The following CCDC91 variants were observed in gnomAD, a reference collection of about 807,000 sequenced individuals.
CCDC91 encodes the protein coiled-coil domain-containing protein 91.
In CCDC91, 48 loss-of-function variants were observed where a neutral mutation model predicts 63.2. The observed-to-expected ratio is 0.76, with a 90% CI of 0.60 to 0.97. The LOEUF is 0.97. CCDC91 is among the 50% of genes least tolerant of loss of function. The pLI, the probability that CCDC91 is intolerant of heterozygous loss-of-function variation, is 0.00. For synonymous variants in CCDC91, 167 were observed against 165.8 expected (o/e 1.01, Z -0.06); for missense variants, 500 against 494.6 (o/e 1.01, Z -0.10).
chr12:28,548,273 T>C (rs1943120443), intron 12 of CCDC91, among the ~76,000 whole-genome samples: 2 of 152,090 alleles, frequency 1.3e-5, no homozygotes, highest in Admixed American at 6.6e-5. Context: ...ATTTTGTGTG[T>C]TGTTTTATTT....
At chr12:28,488,581 G>A (rs987589086) in intron 12 of CCDC91, among the ~76,000 whole-genome samples, 2 of 151,640 alleles carry the variant, frequency 1.3e-5, no homozygotes, top group Non-Finnish European at 2.9e-5. Context: ...GAAAAAAAAG[G>A]ATCCTTACAT....
chr12:28,415,342 G>C, intron 8 of CCDC91, among the ~76,000 whole-genome samples: 1 of 151,952 alleles, frequency 6.6e-6, no homozygotes, highest in East Asian at 1.9e-4. Context: ...TCCTGCCTCA[G>C]CCTCCCGAGT....
At chr12:28,479,846 T>C (rs552959856) in intron 11 of CCDC91, among the ~76,000 whole-genome samples, 2 of 152,130 alleles carry the variant, frequency 1.3e-5, no homozygotes, top group East Asian at 1.9e-4. Flanking sequence ...GTTGTGCTAA[T>C]GAGCTAGCCT....
chr12:28,411,960 AAC>A (rs1254117886), intron 8 of CCDC91, among the ~76,000 whole-genome samples: 3 of 152,132 alleles, frequency 2.0e-5, no homozygotes, highest in Non-Finnish European at 4.4e-5. Context: ...CCTACCCCCC[AAC>A]ACCACCACAT....
chr12:28,254,109 A>G (rs1946291344), intron 1 of CCDC91, among the ~76,000 whole-genome samples: 1 of 152,242 alleles, frequency 6.6e-6, no homozygotes, highest in South Asian at 2.1e-4. Context: ...TTTTTAGAAT[A>G]TCAGCAGTGT....
Position 28,468,259 on chromosome 12 carries a change from A to G in CCDC91, c.1101+15605A>G, listed in dbSNP as rs1459872334. On this transcript the variant is annotated intron_variant, in intron 11 of 12. Transcript: ENST00000536442. ...TGAAAAAGGAGACACTACATCTGGTATCTCATCTAGTATCTATACTACATC... is the reference window on the plus strand; with the variant it reads ...TGAAAAAGGAGACACTACATCTGGTGTCTCATCTAGTATCTATACTACATC... 5.3e-5 allele frequency among the ~76,000 whole-genome samples: 8 copies of G among 151,804 alleles called. No homozygotes were observed. The East Asian group carries it at 1.5e-3, about 29-fold the overall frequency.
At chr12:28,342,646 A>G (rs1290796558) in intron 6 of CCDC91, among the ~76,000 whole-genome samples, 2 of 152,164 alleles carry the variant, frequency 1.3e-5, no homozygotes, top group Non-Finnish European at 2.9e-5. Flanking sequence ...TTGAAGGTTG[A>G]AGATGGGGAG....
intron 6 of CCDC91, among the ~76,000 whole-genome samples, chr12:28,324,784 A>G (rs1308875385): frequency 6.6e-6 from 1 of 151,816 alleles, no homozygotes; most frequent in Admixed American, 6.6e-5. Context: ...ACTGTAATAA[A>G]TGTTTGCTCA....
chr12:28,495,958 G>A (rs1448500762), intron 12 of CCDC91, among the ~76,000 whole-genome samples: 4 of 151,500 alleles, frequency 2.6e-5, no homozygotes, highest in Non-Finnish European at 3.0e-5. Context: ...AATCTTTACA[G>A]CCATCGACCC....
At chr12:28,331,497 G>T (rs1244439012) in intron 6 of CCDC91, among the ~76,000 whole-genome samples, 1 of 152,114 alleles carries the variant, frequency 6.6e-6, no homozygotes, top group Non-Finnish European at 1.5e-5. Flanking sequence ...AAACATTATG[G>T]AAATGCCACA....
intron 12 of CCDC91, among the ~76,000 whole-genome samples, chr12:28,491,833 C>G (rs1049956846): frequency 6.7e-6 from 1 of 150,358 alleles, no homozygotes; most frequent in African/African-American, 2.4e-5. Flanking sequence ...TTGATATGCC[C>G]TTCAGCCATC....
intron 11 of CCDC91, among the ~76,000 whole-genome samples, chr12:28,466,812 A>G (rs1950571767): frequency 6.6e-6 from 1 of 152,136 alleles, no homozygotes; most frequent in African/African-American, 2.4e-5. Context: ...ACAGAAAAAT[A>G]CAGAGTATTG....
At chr12:28,494,164 C>T (rs1286024957) in intron 12 of CCDC91, among the ~76,000 whole-genome samples, 1 of 151,644 alleles carries the variant, frequency 6.6e-6, no homozygotes, top group East Asian at 1.9e-4. Flanking sequence ...TTTTCACAGG[C>T]TCCACATAGC....
rs1316398370 is a variant in CCDC91 at position 28,305,746 on chromosome 12, A to G, written c.207A>G (p.Ser69=). Residue 69 remains serine (S), a synonymous_variant, in exon 4 of 13, where the codon TCA becomes TCG. Coordinates refer to ENST00000536442, the MANE Select transcript of CCDC91 (RefSeq NM_018318.5). ...GCCTCTCTTCTGATGCCATTATTTC[A>G]TCACCAGAGAATACACATGCAGCAA... ...IGCLSSDAII[S]SPENTHAANS... 1.2e-6 allele frequency: 2 copies of G among 1,613,066 alleles called. No individual in the cohort carries two copies. Among genetic ancestry groups the G allele is most frequent in the Non-Finnish European group, 1.7e-6 (2 of 1,179,436 alleles).
chr12:28,211,711 A>G (rs1472846814), intron 1 of CCDC91, among the ~76,000 whole-genome samples: 3 of 150,794 alleles, frequency 2.0e-5, no homozygotes, highest in Non-Finnish European at 4.4e-5. Flanking sequence ...CCCATTTTTT[A>G]CCTAAAATGT....
intron 1 of CCDC91, among the ~76,000 whole-genome samples, chr12:28,234,525 C>A (rs1460927625): frequency 6.6e-6 from 1 of 152,108 alleles, no homozygotes; most frequent in Non-Finnish European, 1.5e-5. Context: ...CATTAATAGA[C>A]ATAACCCAGA....
chr12:28,204,268 G>A (rs1231637469), intron 1 of CCDC91, among the ~76,000 whole-genome samples: 2 of 152,152 alleles, frequency 1.3e-5, no homozygotes, highest in African/African-American at 2.4e-5. Flanking sequence ...ATATATGTGA[G>A]TTTTTGTGTT....
chr12:28,244,569 CGTT>C lies in CCDC91; in HGVS notation c.-14-12631_-14-12629del, dbSNP rs1945587601. 1.7e-5 allele frequency among the ~76,000 whole-genome samples: 2 copies of C among 114,704 alleles called. 1 individual carries two copies. Among genetic ancestry groups the C allele is most frequent in the South Asian group, 6.0e-4 (2 of 3,320 alleles). The allele number at this position is 114,704 out of a possible 152,430, so 75.3% of individuals were successfully genotyped here. On this transcript the variant is annotated intron_variant, in intron 1 of 12. Transcript: ENST00000536442. Reference sequence around the variant, plus strand: ...AGTGCCTCAGTTGGGATGATGTGAACGTTGAACACTGGAGGTGACTTGCTGGCT... The same window carrying C: ...AGTGCCTCAGTTGGGATGATGTGAACGAACACTGGAGGTGACTTGCTGGCT...
At chr12:28,369,553 G>A (rs1400224295) in intron 7 of CCDC91, among the ~76,000 whole-genome samples, 2 of 152,140 alleles carry the variant, frequency 1.3e-5, no homozygotes, top group African/African-American at 4.8e-5. Context: ...CCATTCTGGG[G>A]TCTCAAAGAT....
Sources: allele counts gnomAD v4.1 joint callset (sites outside exome capture counted in the v4.1 genomes callset), GRCh38; gene constraint gnomAD v4.1.1; transcripts MANE v1.5; gene names NCBI Gene and HGNC (gene_info 2026-07-23, HGNC 2026-07-21).